Variants in HOXC10 observed in about 807,000 individuals in gnomAD.
HOXC10 encodes homeobox protein Hox-C10.
A neutral mutation model predicts 26.0 loss-of-function variants in HOXC10; 15 were observed. That is an observed-to-expected ratio of 0.58 (90% confidence interval 0.39 to 0.89). The LOEUF is 0.89. HOXC10 is among the 40% of genes least tolerant of loss of function. HOXC10 has a pLI of 0.00. For synonymous variants in HOXC10, 196 were observed against 185.5 expected, an observed-to-expected ratio of 1.06 and a Z score of -0.46; for missense variants, 446 against 451.9, an observed-to-expected ratio of 0.99 and a Z score of 0.12.
Position 53,985,818 on chromosome 12 carries a change from C to A in HOXC10, c.559C>A (p.Leu187Met). 6.2e-7 allele frequency: 1 copy of A among 1,613,860 alleles called. No individual in the cohort carries two copies. The highest frequency in any genetic ancestry group is 8.5e-7 in the Non-Finnish European group (1 of 1,180,022). ...RASLNPRAEH[L>M]ESPQLGGKVS... The stretch of plus-strand genomic sequence containing the variant: ...CAGTCTCAACCCGCGCGCCGAACAT[C>A]TGGAATCGCCTCAGCTGGGGGGCAA... The change falls in exon 1 of 2, where the codon CTG (leucine) becomes ATG (methionine). Residue 187 changes from leucine to methionine, a missense_variant. Leu to Met is a conservative substitution (Grantham distance 15, BLOSUM62 2). Coordinates refer to ENST00000303460, the MANE Select transcript of HOXC10 (RefSeq NM_017409.4).
intron 1 of HOXC10, among the ~76,000 whole-genome samples, chr12:53,987,177 T>C (rs979965524): frequency 1.3e-5 from 2 of 152,202 alleles, no homozygotes; most frequent in Admixed American, 1.3e-4. Flanking sequence ...GGGGGCGGCC[T>C]GGATCTCCTG....
chr12:53,985,965 A>G lies in HOXC10; in HGVS notation c.706A>G (p.Lys236Glu). The G allele has an allele frequency of 6.2e-7, 1 of 1,603,184 alleles. No individual in the cohort carries two copies. The highest frequency in any genetic ancestry group is 8.5e-7 in the Non-Finnish European group (1 of 1,175,722). Residue 236 changes from lysine (K) to glutamate (E), a missense_variant, in exon 1 of 2, where the codon AAA (lysine) becomes GAA (glutamate). Lys to Glu is a moderately conservative substitution (Grantham distance 56, BLOSUM62 1). Coordinates refer to ENST00000303460, the MANE Select transcript of HOXC10 (RefSeq NM_017409.4). ...CTCGGAGAGCGAAAAGGAGAGGGCC[A>G]AAGCTGCCGACTCCAGCCCAGACAC... is the stretch of plus-strand genomic sequence containing the variant. Reference protein sequence around the residue: ...SPSESEKERAKAADSSPDTSD... With the variant: ...SPSESEKERAEAADSSPDTSD...
Position 53,985,861 on chromosome 12 carries a change from C to A in HOXC10, c.602C>A (p.Thr201Asn), listed in dbSNP as rs778861177. 6.2e-7 allele frequency: 1 copy of A among 1,613,804 alleles called. No homozygotes were observed. Among genetic ancestry groups the A allele is most frequent in the Admixed American group, 1.7e-5 (1 of 60,022 alleles). Residue 201 changes from threonine to asparagine, a missense_variant, in exon 1 of 2, where the codon ACC (threonine) becomes AAC (asparagine). Coordinates refer to ENST00000303460, the MANE Select transcript of HOXC10 (RefSeq NM_017409.4). ...QLGGKVSFPETPKSDSQTPSP... is the reference protein window; with the variant it reads ...QLGGKVSFPENPKSDSQTPSP... Reference sequence around the variant, plus strand: ...GGGGGCAAAGTGAGTTTCCCTGAGACCCCCAAGTCCGACAGCCAGACCCCC... The same window carrying A: ...GGGGGCAAAGTGAGTTTCCCTGAGAACCCCAAGTCCGACAGCCAGACCCCC...
At chr12:53,986,235 G>T (rs1048134077) in intron 1 of HOXC10, 7 of 514,232 alleles carry the variant, frequency 1.4e-5, no homozygotes, top group Non-Finnish European at 2.0e-5. Flanking sequence ...CCCGGCCATG[G>T]GTGCTAAGGC....
At position 53,985,231 on chromosome 12, in the gene HOXC10, T is replaced by TG. The variant is rs1376142339; in HGVS notation, c.-29_-28insG. 4.8e-6 allele frequency: 7 copies of TG among 1,447,154 alleles called. No homozygotes were observed. The African/African-American group carries it at 8.7e-5, about 18-fold the overall frequency. The allele number at this position is 1,447,154 out of a possible 1,614,324, so 89.6% of individuals were successfully genotyped here. A position where few individuals can be genotyped will look rare whatever the true frequency, so the allele number is the denominator to read the frequency against. On this transcript the variant is annotated 5_prime_UTR_variant, in exon 1 of 2. The change creates a new upstream start codon in the 5' untranslated region. Coordinates refer to ENST00000303460, the MANE Select transcript of HOXC10 (RefSeq NM_017409.4). ...AGATGTCAGCTCCTCCGCTGTAGTA[T>TG]TGCTCCTTAAAAACCCCTCTCTCTG...
chr12:53,988,548 C>T (rs545677170), intron 1 of HOXC10, among the ~76,000 whole-genome samples: 10 of 152,274 alleles, frequency 6.6e-5, no homozygotes, highest in African/African-American at 2.4e-4. Context: ...CTGCACATAC[C>T]TGGGAGAAAT....
At position 53,989,415 on chromosome 12, in the gene HOXC10, G is replaced by A. The variant is rs747284003; in HGVS notation, c.998G>A (p.Arg333Gln). ...AAAATGAACCGAGAGAATCGGATCC[G>A]GGAACTGACCTCCAATTTTAATTTC... ...LKKMNRENRIRELTSNFNFT is the reference protein window; with the variant it reads ...LKKMNRENRIQELTSNFNFT The change falls in exon 2 of 2, where the codon CGG becomes CAG. Residue 333 changes from arginine (R) to glutamine (Q), a missense_variant. Coordinates refer to ENST00000303460, the MANE Select transcript of HOXC10 (RefSeq NM_017409.4). The A allele has an allele frequency of 1.9e-5, 30 of 1,613,508 alleles. No homozygotes were observed. Among genetic ancestry groups the A allele is most frequent in the Non-Finnish European group, 2.5e-5 (29 of 1,179,850 alleles).
chr12:53,990,009 A>T lies in HOXC10; in HGVS notation c.*563A>T, dbSNP rs571798211. 1 of 152,292 alleles carries T rather than the reference A, an allele frequency of 6.6e-6. No homozygotes were observed. The highest frequency in any genetic ancestry group is 2.4e-5 in the African/African-American group (1 of 41,276). The allele number at this position is 152,292 out of a possible 1,614,324, so 9.4% of individuals were successfully genotyped here. A position where few individuals can be genotyped will look rare whatever the true frequency, so the allele number is the denominator to read the frequency against. ...TCTAAGAATCTGCTTGAAGTCTCGT[A>T]TTTGTACTGCTTTCTGCTTTTCTCC... On this transcript the variant is annotated 3_prime_UTR_variant, in exon 2 of 2. Transcript: ENST00000303460.
chr12:53,986,789 G>C (rs1939443636), intron 1 of HOXC10: 1 of 152,198 alleles, frequency 6.6e-6, no homozygotes, highest in South Asian at 2.1e-4. Flanking sequence ...ATGAGTGGTT[G>C]GGAAATTTCT....
Position 53,989,474 on chromosome 12 carries a change from G to A in HOXC10, c.*28G>A, listed in dbSNP as rs967672222. 11 of 1,587,324 alleles carry A rather than the reference G, an allele frequency of 6.9e-6. No homozygotes were observed. Among genetic ancestry groups the A allele is most frequent in the South Asian group, 1.1e-5 (1 of 87,272 alleles). On this transcript the variant is annotated 3_prime_UTR_variant, in exon 2 of 2. Transcript: ENST00000303460. ...GCGCGGCCTCTCCTCCTCCCTTCCC[G>A]CTCCTTCCTCTCCCCGCCCCTCCTC...
Position 53,990,127 on chromosome 12 carries a change from G to A in HOXC10, c.*681G>A, listed in dbSNP as rs558745505. The A allele has an allele frequency of 2.1e-5, 2 of 96,554 alleles. No homozygotes were observed. The highest frequency in any genetic ancestry group is 4.5e-5 in the Non-Finnish European group (2 of 44,860). The allele number at this position is 96,554 out of a possible 1,614,324, so 6.0% of individuals were successfully genotyped here. A position where few individuals can be genotyped will look rare whatever the true frequency, so the allele number is the denominator to read the frequency against. ...AAAATTAAAAATAGAACATAGCAAA[G>A]CAAAGACAGAATGCCCCCCCCCCCA... On this transcript the variant is annotated 3_prime_UTR_variant, in exon 2 of 2. Transcript: ENST00000303460.
rs1300529415 is a variant in HOXC10, at chr12:53,990,110, A to T, written c.*664A>T. ...TCATCCAGAGGAACAAAAAAATTAA[A>T]AATAGAACATAGCAAAGCAAAGACA... On this transcript the variant is annotated 3_prime_UTR_variant, in exon 2 of 2. Coordinates refer to ENST00000303460, the MANE Select transcript of HOXC10 (RefSeq NM_017409.4). The T allele has an allele frequency of 2.0e-5, 3 of 147,672 alleles. No individual in the cohort carries two copies. The highest frequency in any genetic ancestry group is 4.5e-5 in the Non-Finnish European group (3 of 66,762). 9.1% of individuals were successfully genotyped at this position (147,672 alleles called of 1,614,324 possible). A position where few individuals can be genotyped will look rare whatever the true frequency, so the allele number is the denominator to read the frequency against.
At position 53,985,184 on chromosome 12, in the gene HOXC10, C is replaced by A. The variant is rs560831761; in HGVS notation, c.-76C>A. On this transcript the variant is annotated 5_prime_UTR_variant, in exon 1 of 2. Transcript: ENST00000303460. ...CTCCCTCCCCTCCAACCGCGCCCCC[C>A]CTCCCGGATGGGGAAAAAAAAAGAT... The A allele has an allele frequency of 7.8e-4, 1,056 of 1,353,784 alleles. 4 individuals carry two copies. Among genetic ancestry groups the A allele is most frequent in the Non-Finnish European group, 7.8e-4 (808 of 1,030,556 alleles). The allele number at this position is 1,353,784 out of a possible 1,614,324, so 83.9% of individuals were successfully genotyped here. A position where few individuals can be genotyped will look rare whatever the true frequency, so the allele number is the denominator to read the frequency against.
rs1939409001 is a variant in HOXC10, at chr12:53,985,209, T to A, written c.-51T>A. The A allele has an allele frequency of 4.5e-6, 5 of 1,113,818 alleles. No homozygotes were observed. Among genetic ancestry groups the A allele is most frequent in the Non-Finnish European group, 4.4e-6 (4 of 902,108 alleles). The allele number at this position is 1,113,818 out of a possible 1,614,324, so 69.0% of individuals were successfully genotyped here. A position where few individuals can be genotyped will look rare whatever the true frequency, so the allele number is the denominator to read the frequency against. On this transcript the variant is annotated 5_prime_UTR_variant, in exon 1 of 2. The change abolishes an upstream ATG in the 5' untranslated region. Coordinates refer to ENST00000303460, the MANE Select transcript of HOXC10 (RefSeq NM_017409.4). Reference sequence around the variant, plus strand: ...CCTCCCGGATGGGGAAAAAAAAAGATGTCAGCTCCTCCGCTGTAGTATTGC... The same window carrying A: ...CCTCCCGGATGGGGAAAAAAAAAGAAGTCAGCTCCTCCGCTGTAGTATTGC...
Position 53,989,456 on chromosome 12 carries a change from C to T in HOXC10, c.*10C>T. On this transcript the variant is annotated 3_prime_UTR_variant, in exon 2 of 2. Coordinates refer to ENST00000303460, the MANE Select transcript of HOXC10 (RefSeq NM_017409.4). ...TTTTAATTTCACCTGAGAGCGCGGC[C>T]TCTCCTCCTCCCTTCCCGCTCCTTC... is the stretch of plus-strand genomic sequence containing the variant. 6.2e-7 allele frequency: 1 copy of T among 1,606,040 alleles called. No individual in the cohort carries two copies. Among genetic ancestry groups the T allele is most frequent in the Non-Finnish European group, 8.5e-7 (1 of 1,175,064 alleles).
At position 53,985,650 on chromosome 12, in the gene HOXC10, C is replaced by G. The variant is rs2136383645; in HGVS notation, c.391C>G (p.His131Asp). 6.2e-7 allele frequency: 1 copy of G among 1,613,596 alleles called. No homozygotes were observed. The highest frequency in any genetic ancestry group is 1.3e-5 in the African/African-American group (1 of 75,074). Residue 131 changes from histidine to aspartate, a missense_variant, in exon 1 of 2, where the codon CAC (histidine) becomes GAC (aspartate). Transcript: ENST00000303460. ...TGGCCCCGAGGCAGCTCTCTACTCCCACCCCTTGCCGGAGTCCTGCCTTGG... is the reference window on the plus strand; with the variant it reads ...TGGCCCCGAGGCAGCTCTCTACTCCGACCCCTTGCCGGAGTCCTGCCTTGG... ...KSGPEAALYS[H>D]PLPESCLGEH...
In HOXC10 at chr12:53,985,522, T is replaced by C. The variant is rs749852007; in HGVS notation, c.263T>C (p.Leu88Pro). The C allele has an allele frequency of 1.2e-6, 2 of 1,613,878 alleles. No homozygotes were observed. Among genetic ancestry groups the C allele is most frequent in the Admixed American group, 3.3e-5 (2 of 60,036 alleles). Residue 88 changes from leucine (L) to proline (P), a missense_variant, in exon 1 of 2, where the codon CTG (leucine) becomes CCG (proline). Coordinates refer to ENST00000303460, the MANE Select transcript of HOXC10 (RefSeq NM_017409.4). ...GGCGACCCCAAAGCCGCCTATCGCC[T>C]GGAACAACCTGTTGGCAGGCCGCTG... is the stretch of plus-strand genomic sequence containing the variant. ...SWGDPKAAYRLEQPVGRPLSS... is the reference protein window; with the variant it reads ...SWGDPKAAYRPEQPVGRPLSS...
In HOXC10 at chr12:53,985,180, C is replaced by T; in HGVS notation, c.-80C>T. 1 of 1,247,688 alleles carries T rather than the reference C, an allele frequency of 8.0e-7. No individual in the cohort carries two copies. The allele number at this position is 1,247,688 out of a possible 1,614,324, so 77.3% of individuals were successfully genotyped here. On this transcript the variant is annotated 5_prime_UTR_variant, in exon 1 of 2. Coordinates refer to ENST00000303460, the MANE Select transcript of HOXC10 (RefSeq NM_017409.4). ...TTTCCTCCCTCCCCTCCAACCGCGC[C>T]CCCCCTCCCGGATGGGGAAAAAAAA...
intron 1 of HOXC10, 21 bp downstream of exon 1, chr12:53,986,031 G>A: frequency 6.5e-7 from 1 of 1,533,324 alleles, no homozygotes; most frequent in Non-Finnish European, 8.8e-7. Context: ...CTGGGCCGCG[G>A]GCGCCACTGG....
Sources: gnomAD v4.1 joint callset for allele counts (sites outside exome capture counted in the v4.1 genomes callset) on GRCh38, gnomAD v4.1.1 for gene constraint, MANE v1.5 for transcripts, NCBI Gene and HGNC (gene_info 2026-07-23, HGNC 2026-07-21) for gene names.